The following EPSTI1 variants were observed in gnomAD, a reference collection of about 807,000 sequenced individuals.
EPSTI1 encodes epithelial stromal interaction 1.
A neutral mutation model predicts 49.9 loss-of-function variants in EPSTI1; 66 were observed. The observed-to-expected ratio is 1.32, with a 90% CI of 1.08 to 1.62. The LOEUF (loss-of-function observed/expected upper bound fraction) is 1.62, where lower values mean the gene tolerates loss of function less well. Ranked by LOEUF, EPSTI1 falls within the 40% of genes most tolerant of loss-of-function variation. The probability of loss-of-function intolerance (pLI) is 0.00; values close to 1 mark genes in which losing one functional copy is unlikely to be tolerated. For missense variants in EPSTI1, 394 were observed against 365.5 expected, an observed-to-expected ratio of 1.08 and a Z score of -0.64; for synonymous variants, 137 against 130.7, an observed-to-expected ratio of 1.05 and a Z score of -0.33.
At chr13:42,901,544 T>C (rs2037352646) in intron 8 of EPSTI1, among the ~76,000 whole-genome samples, 1 of 152,188 alleles carries the variant, frequency 6.6e-6, no homozygotes, top group African/African-American at 2.4e-5. Context: ...GCATTTGTTA[T>C]ACACCTTGCT....
intron 1 of EPSTI1, 142 bp from the exon 2 acceptor site, chr13:42,970,812 C>A (rs746006542): frequency 5.6e-5 from 36 of 646,000 alleles, no homozygotes; most frequent in Non-Finnish European, 9.3e-5. Context: ...CTTCTTAAGA[C>A]CCTGATCTGT....
chr13:42,977,890 C>A (rs551783898), intron 1 of EPSTI1, among the ~76,000 whole-genome samples: 1 of 152,158 alleles, frequency 6.6e-6, no homozygotes, highest in Non-Finnish European at 1.5e-5. Context: ...GTGGCTCATG[C>A]CTGTAATCCC....
At chr13:42,963,028 C>G (rs1190391374) in intron 5 of EPSTI1, among the ~76,000 whole-genome samples, 2 of 152,108 alleles carry the variant, frequency 1.3e-5, no homozygotes, top group Non-Finnish European at 2.9e-5. Flanking sequence ...ACAGGCTATG[C>G]TCCGTAAAGA....
intron 7 of EPSTI1, among the ~76,000 whole-genome samples, chr13:42,923,694 T>C (rs2038088463): frequency 6.6e-6 from 1 of 152,222 alleles, no homozygotes. Context: ...ACACACACAA[T>C]ACAGAGAACT....
chr13:42,937,344 A>G (rs1029849579), intron 6 of EPSTI1, among the ~76,000 whole-genome samples: 1 of 152,192 alleles, frequency 6.6e-6, no homozygotes, highest in African/African-American at 2.4e-5. Context: ...TGCTGTGGCA[A>G]TTTCTTAAAA....
In EPSTI1 at chr13:42,888,355, C is replaced by T; in HGVS notation, c.*139G>A. 6.2e-7 allele frequency: 1 copy of T among 1,614,126 alleles called. No individual in the cohort carries two copies. The highest frequency in any genetic ancestry group is 1.1e-5 in the South Asian group (1 of 91,080). On this transcript the variant is annotated 3_prime_UTR_variant, in exon 11 of 11. Coordinates refer to ENST00000313624, the MANE Select transcript of EPSTI1 (RefSeq NM_033255.5). ...TGAGGACAAGGAGAAGCCAGTCACT[C>T]CTGACTGCACGGTCAAGTGTGTGGG...
chr13:42,919,359 A>C, intron 7 of EPSTI1: 1 of 1,608,760 alleles, frequency 6.2e-7, no homozygotes, highest in South Asian at 1.1e-5. Flanking sequence ...GAAGGGAATA[A>C]ATTGATCACT....
chr13:42,940,176 C>T (rs1344366900), intron 6 of EPSTI1, among the ~76,000 whole-genome samples: 1 of 152,198 alleles, frequency 6.6e-6, no homozygotes, highest in Non-Finnish European at 1.5e-5. Flanking sequence ...TTTTTCACTT[C>T]AGCCCGAACA....
intron 6 of EPSTI1, among the ~76,000 whole-genome samples, chr13:42,945,483 T>C (rs2038892343): frequency 6.6e-6 from 1 of 152,194 alleles, no homozygotes; most frequent in South Asian, 2.1e-4. Context: ...AGATGGCCCA[T>C]GGTTCCCCAC....
chr13:42,958,739 TA>T (rs916819901), intron 5 of EPSTI1, among the ~76,000 whole-genome samples: 1 of 151,826 alleles, frequency 6.6e-6, no homozygotes, highest in African/African-American at 2.4e-5. Context: ...CATAAGAACA[TA>T]AAGCCAGCAA....
rs550483707 is a variant in EPSTI1 at position 42,893,849 on chromosome 13, C to T, written c.915+1160G>A. 1.7e-3 allele frequency among the ~76,000 whole-genome samples: 258 copies of T among 152,310 alleles called. 1 individual carries two copies. The highest frequency in any genetic ancestry group is 5.7e-3 in the African/African-American group (238 of 41,562). Reference sequence around the variant, plus strand: ...ACAAGCTTGGATAATGTCTTCAACTCACAATGGCCCATTTTCCACATGACT... The same window carrying T: ...ACAAGCTTGGATAATGTCTTCAACTTACAATGGCCCATTTTCCACATGACT... On this transcript the variant is annotated intron_variant, in intron 10 of 10. Coordinates refer to ENST00000313624, the MANE Select transcript of EPSTI1 (RefSeq NM_033255.5).
intron 3 of EPSTI1, among the ~76,000 whole-genome samples, chr13:42,964,850 C>T (rs1248322087): frequency 2.0e-5 from 3 of 152,192 alleles, no homozygotes; most frequent in East Asian, 3.8e-4. Context: ...AGGGAATTCT[C>T]AGTGTTTATG....
At chr13:42,989,882 C>T (rs1283979102) in intron 1 of EPSTI1, among the ~76,000 whole-genome samples, 1 of 151,908 alleles carries the variant, frequency 6.6e-6, no homozygotes, top group Non-Finnish European at 1.5e-5. Flanking sequence ...CGTGAGACAC[C>T]ATGCCCGGCC....
chr13:42,923,153 C>A (rs1185495134), intron 7 of EPSTI1, among the ~76,000 whole-genome samples: 1 of 152,106 alleles, frequency 6.6e-6, no homozygotes, highest in Non-Finnish European at 1.5e-5. Flanking sequence ...GGACTTTGTG[C>A]CTAAGCTAAG....
At chr13:42,917,827 A>G (rs1489211711) in intron 7 of EPSTI1, among the ~76,000 whole-genome samples, 1 of 152,192 alleles carries the variant, frequency 6.6e-6, no homozygotes, top group African/African-American at 2.4e-5. Flanking sequence ...ATATAAAAAG[A>G]AAACTAGTGT....
chr13:42,968,910 A>AG (rs777089330), intron 3 of EPSTI1, among the ~76,000 whole-genome samples, 184 bp downstream of exon 3: 1 of 103,110 alleles, frequency 9.7e-6, no homozygotes, highest in Non-Finnish European at 2.0e-5. Context: ...AAAATCAGAA[A>AG]AAAAAAAAAA....
chr13:42,927,533 C>T (rs1422935700), intron 6 of EPSTI1, among the ~76,000 whole-genome samples: 2 of 152,116 alleles, frequency 1.3e-5, no homozygotes, highest in Non-Finnish European at 2.9e-5. Context: ...ACATGGGCAT[C>T]AAAGGAAACA....
rs181606314 is a variant in EPSTI1 at position 42,886,527 on chromosome 13, C to A, written c.*1967G>T. The A allele has an allele frequency of 6.6e-6, 1 of 151,372 alleles. No homozygotes were observed. The highest frequency in any genetic ancestry group is 1.9e-4 in the East Asian group (1 of 5,172). The allele number at this position is 151,372 out of a possible 1,614,324, so 9.4% of individuals were successfully genotyped here. On this transcript the variant is annotated 3_prime_UTR_variant, in exon 11 of 11. Coordinates refer to ENST00000313624, the MANE Select transcript of EPSTI1 (RefSeq NM_033255.5). ...TTCTACAAAAAAAAAAGCGGGGGGA[C>A]ATTAAAATTAAGCATAGAAATGGTG...
At chr13:42,985,998 G>A in intron 1 of EPSTI1, among the ~76,000 whole-genome samples, 1 of 152,198 alleles carries the variant, frequency 6.6e-6, no homozygotes, top group East Asian at 1.9e-4. Flanking sequence ...CTCTTTCTCT[G>A]CTGCAAGTGC....
Sources: allele counts gnomAD v4.1 joint callset (sites outside exome capture counted in the v4.1 genomes callset), GRCh38; gene constraint gnomAD v4.1.1; transcripts MANE v1.5; gene names NCBI Gene and HGNC (gene_info 2026-07-23, HGNC 2026-07-21).